Variants in BANK1 observed in about 807,000 individuals in gnomAD.
BANK1 encodes B-cell scaffold protein with ankyrin repeats.
Under a neutral mutation model 94.5 loss-of-function variants are expected in BANK1, and 95 were observed. The ratio of observed to expected loss-of-function variants is 1.00; its 90% CI spans 0.85 to 1.19. The LOEUF (loss-of-function observed/expected upper bound fraction) is 1.19, where lower values mean the gene tolerates loss of function less well. BANK1 is among the 50% of genes most tolerant of loss of function. The pLI is 0.00. For synonymous variants in BANK1, 334 were observed against 308.4 expected (o/e 1.08, Z -0.87); for missense variants, 987 against 932.2 (o/e 1.06, Z -0.77).
At chr4:101,958,865 T>G (rs1724464205) in intron 7 of BANK1, among the ~76,000 whole-genome samples, 1 of 152,226 alleles carries the variant, frequency 6.6e-6, no homozygotes, top group Non-Finnish European at 1.5e-5. Context: ...GCAGGTATTT[T>G]GGGAAACTCT....
chr4:101,832,755 C>A (rs755278734), intron 2 of BANK1, among the ~76,000 whole-genome samples: 1 of 152,126 alleles, frequency 6.6e-6, no homozygotes, highest in Non-Finnish European at 1.5e-5. Flanking sequence ...TTTAAAAATT[C>A]ACGGTGAAAT....
chr4:102,066,459 A>G (rs545062066), intron 13 of BANK1, among the ~76,000 whole-genome samples: 195 of 152,104 alleles, frequency 1.3e-3, no homozygotes, highest in Middle Eastern at 0.01. Context: ...GGGTTTCACC[A>G]TGTTAGCCAG....
At chr4:101,898,854 G>T (rs1722180293) in intron 6 of BANK1, among the ~76,000 whole-genome samples, 1 of 151,806 alleles carries the variant, frequency 6.6e-6, no homozygotes. Flanking sequence ...ATGGGTGGGT[G>T]GAAATAAGAG....
At chr4:101,947,322 T>TATATATATG (rs1578414544) in intron 7 of BANK1, among the ~76,000 whole-genome samples, 4 of 141,460 alleles carry the variant, frequency 2.8e-5, no homozygotes, top group African/African-American at 7.7e-5. Flanking sequence ...TGTATATGTA[T>TATATATATG]TATGTATTAT....
intron 7 of BANK1, among the ~76,000 whole-genome samples, chr4:101,920,758 G>T (rs568363477): frequency 1.3e-5 from 2 of 151,414 alleles, no homozygotes; most frequent in South Asian, 4.2e-4. Context: ...GCTCATTTTA[G>T]AATTTCACAG....
chr4:102,045,180 C>T (rs1345159522), intron 11 of BANK1, among the ~76,000 whole-genome samples: 1 of 151,914 alleles, frequency 6.6e-6, no homozygotes, highest in Admixed American at 6.6e-5. Context: ...ACGTTTAAGC[C>T]TTTAATCCAT....
At chr4:101,960,633 A>G (rs1724533275) in intron 7 of BANK1, among the ~76,000 whole-genome samples, 1 of 152,082 alleles carries the variant, frequency 6.6e-6, no homozygotes, top group Non-Finnish European at 1.5e-5. Flanking sequence ...GAACATGGAG[A>G]TGGTTAGTGG....
chr4:101,997,423 A>T (rs763631486), intron 7 of BANK1, among the ~76,000 whole-genome samples: 4 of 152,098 alleles, frequency 2.6e-5, no homozygotes, highest in Middle Eastern at 3.2e-3. Context: ...AGGTTTTGGT[A>T]TCAGGATCAT....
chr4:102,052,348 C>G (rs1728081398), intron 11 of BANK1, among the ~76,000 whole-genome samples: 1 of 151,898 alleles, frequency 6.6e-6, no homozygotes, highest in African/African-American at 2.4e-5. Context: ...GATCTCTTGA[C>G]CTCATGATCC....
chr4:101,792,441 TTGTG>T lies in BANK1; in HGVS notation c.70+1517_70+1520del, dbSNP rs143434251. On this transcript the variant is annotated intron_variant, in intron 1 of 16. Coordinates refer to ENST00000322953, the MANE Select transcript of BANK1 (RefSeq NM_017935.5). The stretch of plus-strand genomic sequence containing the variant: ...TTCTAGCTTTTATAAATCCAGTGGT[TTGTG>T]TGTGTGTGTGTGTGTGTGTGTGTGT... 5.0e-4 allele frequency among the ~76,000 whole-genome samples: 69 copies of T among 136,790 alleles called. 1 individual carries two copies. Among genetic ancestry groups the T allele is most frequent in the East Asian group, 1.3e-3 (6 of 4,664 alleles). The allele number at this position is 136,790 out of a possible 152,430, so 89.7% of individuals were successfully genotyped here.
chr4:101,848,205 G>T (rs1727331740), intron 2 of BANK1, among the ~76,000 whole-genome samples: 1 of 151,534 alleles, frequency 6.6e-6, no homozygotes, highest in Non-Finnish European at 1.5e-5. Context: ...TCATAGTTTT[G>T]GGGGGGGTCT....
chr4:101,886,526 A>G (rs1449264051), intron 5 of BANK1, among the ~76,000 whole-genome samples: 1 of 152,188 alleles, frequency 6.6e-6, no homozygotes. Flanking sequence ...TGTTATTGCT[A>G]TATTTGTTTT....
chr4:102,071,198 A>G, intron 13 of BANK1, 77 bp from the exon 14 acceptor site: 1 of 1,493,944 alleles, frequency 6.7e-7, no homozygotes, highest in Non-Finnish European at 9.3e-7. Context: ...TAGTCCAACA[A>G]TTAAAAAAAT....
At chr4:101,791,537 A>G (rs1452876177) in intron 1 of BANK1, among the ~76,000 whole-genome samples, 1 of 152,162 alleles carries the variant, frequency 6.6e-6, no homozygotes, top group Non-Finnish European at 1.5e-5. Context: ...GTAGATTTAT[A>G]TTTTCAAATG....
Position 101,829,874 on chromosome 4 carries a change from A to G in BANK1, c.137A>G (p.Glu46Gly). ...GAGGAATGGGCTCTGTACTTGACAG[A>G]AGTATTTTTACATGTTGTGAAAAGG... Reference protein sequence around the residue: ...DAEEWALYLTEVFLHVVKREA... With the variant: ...DAEEWALYLTGVFLHVVKREA... The change falls in exon 2 of 17, where the codon GAA (glutamate) becomes GGA (glycine). Residue 46 changes from glutamate (E) to glycine (G), a missense_variant. Physicochemically the swap from Glu to Gly is moderately conservative, Grantham distance 98. Coordinates refer to ENST00000322953, the MANE Select transcript of BANK1 (RefSeq NM_017935.5). 6.2e-7 allele frequency: 1 copy of G among 1,611,736 alleles called. No homozygotes were observed. The highest frequency in any genetic ancestry group is 8.5e-7 in the Non-Finnish European group (1 of 1,178,260).
chr4:101,996,886 T>C (rs766865068), intron 7 of BANK1, among the ~76,000 whole-genome samples: 14 of 152,320 alleles, frequency 9.2e-5, no homozygotes, highest in Non-Finnish European at 1.9e-4. Flanking sequence ...CAGAGACAAT[T>C]TGACTTCCTC....
At position 102,021,554 on chromosome 4, in the gene BANK1, A is replaced by G. The variant is rs1207774540; in HGVS notation, c.1247A>G (p.Tyr416Cys). 1.4e-6 allele frequency: 2 copies of G among 1,468,714 alleles called. No homozygotes were observed. Among genetic ancestry groups the G allele is most frequent in the Non-Finnish European group, 9.2e-7 (1 of 1,090,452 alleles). 91.0% of individuals were successfully genotyped at this position (1,468,714 alleles called of 1,614,324 possible). The change falls in exon 8 of 17, where the codon TAT becomes TGT. Residue 416 changes from tyrosine (Y) to cysteine (C), a missense_variant. Tyr to Cys is a radical substitution (Grantham distance 194, BLOSUM62 -2). Transcript: ENST00000322953. Reference protein sequence around the residue: ...IDINNEQENDYEEDIASFSTY... With the variant: ...IDINNEQENDCEEDIASFSTY... ...ATAAATAATGAGCAAGAAAATGATT[A>G]TGAAGAGGATATTGCCTCATTTTCC...
At chr4:101,952,053 C>T (rs1724178109) in intron 7 of BANK1, among the ~76,000 whole-genome samples, 1 of 151,916 alleles carries the variant, frequency 6.6e-6, no homozygotes, top group South Asian at 2.1e-4. Flanking sequence ...GTACTCATGG[C>T]TTTTACCTAT....
chr4:102,058,044 T>C (rs1365045367), intron 11 of BANK1, among the ~76,000 whole-genome samples: 1 of 152,172 alleles, frequency 6.6e-6, no homozygotes, highest in Non-Finnish European at 1.5e-5. Context: ...ACTTTCTATG[T>C]TGCCACAATC....
Sources: gnomAD v4.1 joint callset for allele counts (sites outside exome capture counted in the v4.1 genomes callset) on GRCh38, gnomAD v4.1.1 for gene constraint, MANE v1.5 for transcripts, NCBI Gene and HGNC (gene_info 2026-07-23, HGNC 2026-07-21) for gene names.